The following ZC3H13 variants were observed in gnomAD, a reference collection of about 807,000 sequenced individuals.
ZC3H13 encodes the protein zinc finger CCCH-type containing 13.
Under a neutral mutation model 204.1 loss-of-function variants are expected in ZC3H13, and 64 were observed. That is an observed-to-expected ratio of 0.31 (90% CI 0.26 to 0.39). The LOEUF is 0.39. Ranked by LOEUF, ZC3H13 falls within the 10% of genes least tolerant of loss-of-function variation. The pLI is 1.00. For missense variants in ZC3H13, 1,833 were observed against 2,082.7 expected (o/e 0.88, Z 2.33); for synonymous variants, 667 against 693.7 (o/e 0.96, Z 0.60).
At chr13:46,017,851 A>G (rs1425689267) in intron 5 of ZC3H13, among the ~76,000 whole-genome samples, 2 of 152,144 alleles carry the variant, frequency 1.3e-5, no homozygotes, top group Non-Finnish European at 1.5e-5. Context: ...CCCTCAACAG[A>G]TACTTTCAAA....
At chr13:46,029,619 G>A (rs563168636) in intron 4 of ZC3H13, among the ~76,000 whole-genome samples, 14 of 151,398 alleles carry the variant, frequency 9.2e-5, no homozygotes, top group East Asian at 3.9e-4. Context: ...TAGTAGAGAC[G>A]GGGTTTCACC....
chr13:46,017,357 T>C (rs1290168250), intron 5 of ZC3H13, among the ~76,000 whole-genome samples: 1 of 152,114 alleles, frequency 6.6e-6, no homozygotes, highest in Non-Finnish European at 1.5e-5. Context: ...CATGAGTAGA[T>C]AGTGGAGTTT....
chr13:45,967,715 GTCCCTT>G lies in ZC3H13; in HGVS notation c.4104_4109del (p.Glu1368_Arg1369del). 6.2e-7 allele frequency: 1 copy of G among 1,613,756 alleles called. No homozygotes were observed. The highest frequency in any genetic ancestry group is 8.5e-7 in the Non-Finnish European group (1 of 1,179,932). ...AAGTTCTGTCTCTGTCTCTGTCCCT[GTCCCTT>G]TCAACAGAATCAGAAATTAGTCTCT... On this transcript the variant is annotated inframe_deletion, in exon 15 of 19. Transcript: ENST00000679008.
At chr13:45,959,420 C>A in intron 18 of ZC3H13, 63 bp downstream of exon 18, 2 of 1,391,046 alleles carry the variant, frequency 1.4e-6, no homozygotes, top group South Asian at 1.7e-5. Context: ...TTTAAAACAA[C>A]CAAATGAAAA....
chr13:45,989,554 CA>C (rs2039819259), intron 8 of ZC3H13, among the ~76,000 whole-genome samples: 1 of 152,108 alleles, frequency 6.6e-6, no homozygotes, highest in Admixed American at 6.5e-5. Context: ...TCAGCTAAGG[CA>C]AACAAAAAGT....
In ZC3H13 at chr13:45,968,900, T is replaced by A; in HGVS notation, c.3644A>T (p.His1215Leu). ...ACCACTTTGGTCATCTCCACTTCGA[T>A]GGGCTGAATCATTGGATGGGGAGCG... ...RLRSPSNDSA[H>L]RSGDDQSGRK... Residue 1215 changes from histidine (H) to leucine (L), a missense_variant, in exon 14 of 19, where the codon CAT becomes CTT. Physicochemically the swap from His to Leu is moderately conservative, Grantham distance 99. This residue lies in a region of ZC3H13 where 1,574 missense variants were observed against 1,757.2 expected (regional missense o/e 0.90). Coordinates refer to ENST00000679008, the MANE Select transcript of ZC3H13 (RefSeq NM_001330564.2). 5.0e-6 allele frequency: 8 copies of A among 1,614,178 alleles called. No homozygotes were observed. Among genetic ancestry groups the A allele is most frequent in the Non-Finnish European group, 6.8e-6 (8 of 1,180,022 alleles).
At chr13:46,035,159 A>G (rs909551651) in intron 4 of ZC3H13, among the ~76,000 whole-genome samples, 3 of 152,192 alleles carry the variant, frequency 2.0e-5, no homozygotes, top group Non-Finnish European at 4.4e-5. Flanking sequence ...AGGAAGCCCA[A>G]GCTATCCAAG....
intron 3 of ZC3H13, 143 bp downstream of exon 3, chr13:46,044,812 T>C (rs1010807355): frequency 4.8e-6 from 2 of 420,812 alleles, no homozygotes; most frequent in Non-Finnish European, 8.4e-6. Flanking sequence ...AAAAAGATCC[T>C]GTCGATCTTC....
intron 4 of ZC3H13, among the ~76,000 whole-genome samples, chr13:46,030,219 G>A (rs1056469169): frequency 1.3e-5 from 2 of 152,128 alleles, no homozygotes; most frequent in Admixed American, 6.5e-5. Context: ...AAACAGCGGC[G>A]AATTTCCTCA....
intron 4 of ZC3H13, among the ~76,000 whole-genome samples, chr13:46,033,561 T>C (rs538341101): frequency 2.0e-5 from 3 of 152,086 alleles, no homozygotes; most frequent in Non-Finnish European, 2.9e-5. Context: ...TCTGAATTAT[T>C]TGAATTCATG....
chr13:45,970,197 A>T (rs1426743520), intron 13 of ZC3H13, among the ~76,000 whole-genome samples, 165 bp downstream of exon 13: 4 of 152,252 alleles, frequency 2.6e-5, no homozygotes, highest in Admixed American at 1.3e-4. Flanking sequence ...AGAAAATGAC[A>T]GTACTCTAAC....
At chr13:46,008,956 G>A (rs1300953912) in intron 7 of ZC3H13, among the ~76,000 whole-genome samples, 1 of 152,100 alleles carries the variant, frequency 6.6e-6, no homozygotes, top group Non-Finnish European at 1.5e-5. Flanking sequence ...TGTCAAGTAG[G>A]CACTATGAGA....
In ZC3H13 at chr13:45,969,721, G is replaced by C; in HGVS notation, c.2823C>G (p.His941Gln). ...RMRAQDIIGH[H>Q]QSEDRETSDR... ...CAGATGTCTCTCGATCTTCAGACTG[G>C]TGGTGTCCTATAATGTCCTGTGCAC... The change falls in exon 14 of 19, where the codon CAC becomes CAG. Residue 941 changes from histidine (H) to glutamine (Q), a missense_variant. By Grantham distance (24) the His-to-Gln change is conservative. This residue lies in a region of ZC3H13 where 1,574 missense variants were observed against 1,757.2 expected (regional missense o/e 0.90). Coordinates refer to ENST00000679008, the MANE Select transcript of ZC3H13 (RefSeq NM_001330564.2). 6.2e-7 allele frequency: 1 copy of C among 1,613,674 alleles called. No individual in the cohort carries two copies. The highest frequency in any genetic ancestry group is 1.1e-5 in the South Asian group (1 of 91,068).
intron 7 of ZC3H13, among the ~76,000 whole-genome samples, chr13:46,004,712 T>C (rs1039407639): frequency 5.3e-4 from 81 of 152,146 alleles, no homozygotes; most frequent in Admixed American, 3.2e-3. Context: ...ACAAATGAAA[T>C]ATCAACCACT....
chr13:45,959,469 G>A lies in ZC3H13; in HGVS notation c.4839+14C>T. The A allele has an allele frequency of 6.6e-7, 1 of 1,517,700 alleles. No homozygotes were observed. The allele number at this position is 1,517,700 out of a possible 1,614,324, so 94.0% of individuals were successfully genotyped here. ...ACTATTCACTTTGTATTTTTTCCAA[G>A]GAAATAACAGTACCTTCTCATTTTT... On this transcript the variant is annotated intron_variant, in intron 18 of 18. Transcript: ENST00000679008.
chr13:45,985,887 AAAG>A lies in ZC3H13; in HGVS notation c.1256-129_1256-127del, dbSNP rs540583790. 2.7e-4 allele frequency: 230 copies of A among 846,562 alleles called. No homozygotes were observed. In the African/African-American group the frequency reaches 3.6e-3, roughly 13 times the overall value. The allele number at this position is 846,562 out of a possible 1,614,324, so 52.4% of individuals were successfully genotyped here. Reference sequence around the variant, plus strand: ...ACAATTCGTGTTCTTTGCAAAAAATAAAGAAGCTAAAATTCCAAAGATAATTAA... The same window carrying A: ...ACAATTCGTGTTCTTTGCAAAAAATAAAGCTAAAATTCCAAAGATAATTAA... On this transcript the variant is annotated intron_variant, in intron 9 of 18. Coordinates refer to ENST00000679008, the MANE Select transcript of ZC3H13 (RefSeq NM_001330564.2).
intron 4 of ZC3H13, among the ~76,000 whole-genome samples, chr13:46,033,367 T>A (rs1226421941): frequency 1.3e-5 from 2 of 152,108 alleles, no homozygotes; most frequent in African/African-American, 4.8e-5. Context: ...AAGAACTATA[T>A]AGAAACCTTA....
At chr13:46,037,326 A>C (rs1455042963) in intron 4 of ZC3H13, among the ~76,000 whole-genome samples, 2 of 152,188 alleles carry the variant, frequency 1.3e-5, no homozygotes, top group African/African-American at 2.4e-5. Flanking sequence ...CTCATAGGGC[A>C]CCTCTAACTC....
chr13:46,024,120 C>A (rs1287613861), intron 4 of ZC3H13, among the ~76,000 whole-genome samples: 1 of 152,134 alleles, frequency 6.6e-6, no homozygotes, highest in African/African-American at 2.4e-5. Flanking sequence ...AATGCTGATA[C>A]AAAATGAAAA....
Sources: allele counts gnomAD v4.1 joint callset (sites outside exome capture counted in the v4.1 genomes callset), GRCh38; gene constraint gnomAD v4.1.1; regional missense constraint gnomAD v4.1.1; transcripts MANE v1.5; gene names NCBI Gene and HGNC (gene_info 2026-07-23, HGNC 2026-07-21).